FAF1: variants seen among roughly 807,000 people sequenced by gnomAD.
The protein encoded by FAF1 is FAS-associated factor 1.
In FAF1, 25 loss-of-function variants were observed where a neutral mutation model predicts 92.5. That is an observed-to-expected ratio of 0.27 (90% CI 0.20 to 0.38). FAF1 has a LOEUF of 0.38. Ranked by LOEUF, FAF1 falls within the 10% of genes least tolerant of loss-of-function variation. The pLI is 1.00. For synonymous variants in FAF1, 234 were observed against 273.2 expected (o/e 0.86, Z 1.42); for missense variants, 636 against 793.3 (o/e 0.80, Z 2.38).
chr1:50,596,035 G>T, intron 9 of FAF1, 86 bp downstream of exon 9: 1 of 837,232 alleles, frequency 1.2e-6, no homozygotes, highest in Non-Finnish European at 2.0e-6. Flanking sequence ...TCTGTTCATT[G>T]CTCTGGCAGA....
chr1:50,798,879 T>C (rs1255733793), intron 3 of FAF1, among the ~76,000 whole-genome samples: 10 of 152,224 alleles, frequency 6.6e-5, no homozygotes, highest in East Asian at 5.8e-4. Context: ...AAAAATCTTT[T>C]TCTGTTCGTG....
At chr1:50,861,785 A>G (rs1446869959) in intron 1 of FAF1, among the ~76,000 whole-genome samples, 1 of 151,852 alleles carries the variant, frequency 6.6e-6, no homozygotes, top group Admixed American at 6.6e-5. Context: ...AAGACTAGAA[A>G]GGAAAACTAA....
intron 2 of FAF1, among the ~76,000 whole-genome samples, chr1:50,803,267 T>C (rs1308769799): frequency 6.6e-6 from 1 of 152,088 alleles, no homozygotes; most frequent in Non-Finnish European, 1.5e-5. Flanking sequence ...AGAAACAAAA[T>C]ACCAGAGCTT....
At chr1:50,643,636 A>G (rs543034998) in intron 8 of FAF1, among the ~76,000 whole-genome samples, 1 of 152,196 alleles carries the variant, frequency 6.6e-6, no homozygotes, top group Non-Finnish European at 1.5e-5. Context: ...TCTGTCACCC[A>G]GGCTAGAGTG....
chr1:50,901,794 G>A (rs1644799255), intron 1 of FAF1, among the ~76,000 whole-genome samples: 1 of 152,128 alleles, frequency 6.6e-6, no homozygotes, highest in African/African-American at 2.4e-5. Flanking sequence ...GAACCCAGGA[G>A]GCAGAGGCTG....
Position 50,583,703 on chromosome 1 carries a change from G to T in FAF1, c.980C>A (p.Ala327Glu). Reference sequence around the variant, plus strand: ...TAATAAGGCATCTCCTTCATTTTCTGCGTTTTCTGGCACTAAAAAACAAAC... The same window carrying T: ...TAATAAGGCATCTCCTTCATTTTCTTCGTTTTCTGGCACTAAAAAACAAAC... ...LRKSPMMPEN[A>E]ENEGDALLQF... The change falls in exon 11 of 19, where the codon GCA becomes GAA. Residue 327 changes from alanine (A) to glutamate (E), a missense_variant. Physicochemically the swap from Ala to Glu is moderately radical, Grantham distance 107. This residue lies in a region of FAF1 where 319 missense variants were observed against 451.0 expected (regional missense o/e 0.71). Coordinates refer to ENST00000396153, the MANE Select transcript of FAF1 (RefSeq NM_007051.3). This position sits in a 1 kb window ranked among gnomAD's most constrained non-coding sequence, Gnocchi z 4.2. 6.4e-7 allele frequency: 1 copy of T among 1,565,432 alleles called. No individual in the cohort carries two copies.
chr1:50,715,002 A>C (rs1183780055), intron 6 of FAF1: 1 of 435,454 alleles, frequency 2.3e-6, no homozygotes, highest in Non-Finnish European at 4.5e-6. Context: ...AGTAAAAAAA[A>C]ACCTGTTGCA....
intron 2 of FAF1, among the ~76,000 whole-genome samples, chr1:50,845,643 G>C (rs578017805): frequency 1.3e-5 from 2 of 152,130 alleles, no homozygotes; most frequent in Admixed American, 1.3e-4. Context: ...ACCAGCCCTA[G>C]CCTGGTGTAG....
At chr1:50,672,432 C>T (rs1170714846) in intron 7 of FAF1, among the ~76,000 whole-genome samples, 1 of 151,956 alleles carries the variant, frequency 6.6e-6, no homozygotes, top group African/African-American at 2.4e-5. Context: ...CAGGGTATCA[C>T]CCAGCTAATT....
chr1:50,908,591 T>C (rs1462048785), intron 1 of FAF1, among the ~76,000 whole-genome samples: 1 of 152,196 alleles, frequency 6.6e-6, no homozygotes, highest in African/African-American at 2.4e-5. Context: ...GATAGTTAGC[T>C]CTTCTTGTTG....
intron 4 of FAF1, among the ~76,000 whole-genome samples, chr1:50,780,117 A>T (rs1661115977): frequency 6.6e-6 from 1 of 152,158 alleles, no homozygotes; most frequent in African/African-American, 2.4e-5. Flanking sequence ...TAATTGCTTT[A>T]AATTTAAATG....
In FAF1 at chr1:50,589,817, C is replaced by T. The variant is rs561998895; in HGVS notation, c.841-5006G>A. Among the ~76,000 whole-genome samples, 166 of 152,206 alleles carry T rather than the reference C, an allele frequency of 1.1e-3. 1 individual carries two copies. The highest frequency in any genetic ancestry group is 2.1e-3 in the Non-Finnish European group (144 of 68,020). ...AACAGTTGTATTGTTTTAGATCTTA[C>T]AGTTAGGTCTTTCATATATTTTGAG... On this transcript the variant is annotated intron_variant, in intron 9 of 18. Coordinates refer to ENST00000396153, the MANE Select transcript of FAF1 (RefSeq NM_007051.3).
chr1:50,457,777 ACTTATAGTCC>A (rs1033070080), intron 18 of FAF1, among the ~76,000 whole-genome samples: 2 of 144,964 alleles, frequency 1.4e-5, no homozygotes, highest in Non-Finnish European at 3.0e-5. Context: ...GGTGGTGTGC[ACTTATAGTCC>A]CAGCTACTGG....
At chr1:50,684,921 G>A (rs989167424) in intron 7 of FAF1, among the ~76,000 whole-genome samples, 9 of 152,164 alleles carry the variant, frequency 5.9e-5, no homozygotes, top group Admixed American at 1.3e-4. Context: ...TAGGCTATAA[G>A]ATGGCCTAAA....
intron 4 of FAF1, among the ~76,000 whole-genome samples, chr1:50,751,742 A>T (rs1659877628): frequency 6.6e-6 from 1 of 152,182 alleles, no homozygotes; most frequent in South Asian, 2.1e-4. Flanking sequence ...TCAGTTTGCA[A>T]CTATTTTGTA....
intron 8 of FAF1, among the ~76,000 whole-genome samples, chr1:50,599,842 T>C (rs1652012848): frequency 1.3e-5 from 2 of 152,218 alleles, no homozygotes; most frequent in South Asian, 4.1e-4. Context: ...GTATCCCTTA[T>C]TTAAAATGCT....
At position 50,539,735 on chromosome 1, in the gene FAF1, G is replaced by A; in HGVS notation, c.1269-7C>T. On this transcript the variant is annotated splice_polypyrimidine_tract_variant and splice_region_variant and intron_variant, in intron 13 of 18. Coordinates refer to ENST00000396153, the MANE Select transcript of FAF1 (RefSeq NM_007051.3). ...ATTGCACATAGTGAGAAATCTAAAA[G>A]GAGACAAAATACAAAGTAAGTTTTG... 1 of 1,604,096 alleles carries A rather than the reference G, an allele frequency of 6.2e-7. No homozygotes were observed. Among genetic ancestry groups the A allele is most frequent in the East Asian group, 2.2e-5 (1 of 44,604 alleles).
intron 2 of FAF1, among the ~76,000 whole-genome samples, chr1:50,813,594 C>T (rs908731642): frequency 1.3e-5 from 2 of 152,168 alleles, no homozygotes. Context: ...CTGAGTAGCT[C>T]GGACTACAGG....
At chr1:50,627,921 T>G (rs1653585255) in intron 8 of FAF1, among the ~76,000 whole-genome samples, 1 of 152,118 alleles carries the variant, frequency 6.6e-6, no homozygotes, top group African/African-American at 2.4e-5. Context: ...CATTCGTACC[T>G]AAAGAAAAGC....
Sources: gnomAD v4.1 joint callset for allele counts (sites outside exome capture counted in the v4.1 genomes callset) on GRCh38, gnomAD v4.1.1 for gene constraint, gnomAD v4.1.1 regional missense constraint, Gnocchi (gnomAD v3.1) non-coding constraint, MANE v1.5 for transcripts, NCBI Gene and HGNC (gene_info 2026-07-23, HGNC 2026-07-21) for gene names.